Variants in PGBD2 observed in about 807,000 individuals in gnomAD.
The protein encoded by PGBD2 is piggyBac transposable element-derived protein 2.
In PGBD2, 6 loss-of-function variants were observed where a neutral mutation model predicts 8.1. The ratio of observed to expected loss-of-function variants is 0.74; its 90% CI spans 0.40 to 1.46. The LOEUF (loss-of-function observed/expected upper bound fraction) is 1.46, where lower values mean the gene tolerates loss of function less well. PGBD2 is among the 40% of genes most tolerant of loss of function. The probability of loss-of-function intolerance (pLI) is 0.02; values close to 1 mark genes in which losing one functional copy is unlikely to be tolerated. For missense variants in PGBD2, 802 were observed against 739.0 expected, an observed-to-expected ratio of 1.09 and a Z score of -0.99; for synonymous variants, 318 against 272.2, an observed-to-expected ratio of 1.17 and a Z score of -1.66.
At chr1:248,911,468 A>G (rs1661871866) in intron 1 of PGBD2, among the ~76,000 whole-genome samples, 2 of 148,790 alleles carry the variant, frequency 1.3e-5, no homozygotes, top group South Asian at 4.1e-4. Flanking sequence ...CCAAGGCAGA[A>G]GAAGTTTTCT....
chr1:248,922,914 TTTTC>T (rs1240311350), downstream of PGBD2, among the ~76,000 whole-genome samples: 3 of 152,204 alleles, frequency 2.0e-5, no homozygotes, highest in East Asian at 5.8e-4. Context: ...TGGCCTGAAA[TTTTC>T]TTTCTTTCTT....
chr1:248,926,510 T>C, the PGBD2 span, among the ~76,000 whole-genome samples: 2 of 152,196 alleles, frequency 1.3e-5, no homozygotes, highest in African/African-American at 4.8e-5. Flanking sequence ...CATGATACTG[T>C]TGTTGACTTT....
At position 248,917,701 on chromosome 1, in the gene PGBD2, A is replaced by C. The variant is rs549880074; in HGVS notation, c.1117A>C (p.Thr373Pro). Residue 373 changes from threonine to proline, a missense_variant, in exon 3 of 3, where the codon ACT becomes CCT. Transcript: ENST00000329291. Reference sequence around the variant, plus strand: ...GAAAAAGGGGGTGAAAGCCACAGGAACTGTTCGTGAGTACAGGACTGAGCG... The same window carrying C: ...GAAAAAGGGGGTGAAAGCCACAGGACCTGTTCGTGAGTACAGGACTGAGCG... ...LRKKGVKATGTVREYRTERCP... is the reference protein window; with the variant it reads ...LRKKGVKATGPVREYRTERCP... 15 of 1,614,218 alleles carry C rather than the reference A, an allele frequency of 9.3e-6. No individual in the cohort carries two copies. The East Asian group carries it at 3.1e-4, about 34-fold the overall frequency.
At chr1:248,925,151 CGT>C in the PGBD2 span, among the ~76,000 whole-genome samples, 26 of 152,160 alleles carry the variant, frequency 1.7e-4, no homozygotes, top group African/African-American at 6.0e-4. Flanking sequence ...CACATTCACA[CGT>C]GTGTCACACA....
the PGBD2 span, among the ~76,000 whole-genome samples, chr1:248,873,099 T>C: frequency 6.6e-6 from 1 of 152,210 alleles, no homozygotes; most frequent in Non-Finnish European, 1.5e-5. Flanking sequence ...GTGTTCCCAG[T>C]GGACACTCGA....
At chr1:248,876,062 G>A in the PGBD2 span, among the ~76,000 whole-genome samples, 165 of 150,786 alleles carry the variant, frequency 1.1e-3, no homozygotes, top group Non-Finnish European at 5.7e-4. Flanking sequence ...AGGCTGGAGT[G>A]CAATGGTGTG....
At chr1:248,926,730 G>A in the PGBD2 span, among the ~76,000 whole-genome samples, 3 of 152,172 alleles carry the variant, frequency 2.0e-5, no homozygotes, top group South Asian at 2.1e-4. Context: ...GAGCAGAGTC[G>A]TGTTTAGATT....
the PGBD2 span, among the ~76,000 whole-genome samples, chr1:248,873,846 C>G: frequency 5.3e-5 from 8 of 152,238 alleles, 1 homozygote; most frequent in East Asian, 3.8e-4. Flanking sequence ...AAGCGCTCTG[C>G]TTCCGAGTGT....
chr1:248,924,437 A>C (rs780083268), downstream of PGBD2, among the ~76,000 whole-genome samples: 1 of 152,018 alleles, frequency 6.6e-6, no homozygotes, highest in Non-Finnish European at 1.5e-5. Flanking sequence ...ATTTTGCCAA[A>C]TTTTTTTTCA....
chr1:248,900,904 A>G, the PGBD2 span, among the ~76,000 whole-genome samples: 3 of 152,382 alleles, frequency 2.0e-5, no homozygotes, highest in Non-Finnish European at 2.9e-5. Flanking sequence ...CTCAGGATAC[A>G]AAGTCAGTGT....
At chr1:248,888,201 A>T in the PGBD2 span, among the ~76,000 whole-genome samples, 2 of 152,184 alleles carry the variant, frequency 1.3e-5, no homozygotes, top group African/African-American at 4.8e-5. Flanking sequence ...TGCTATTGTG[A>T]ATAGTGCTGC....
the PGBD2 span, among the ~76,000 whole-genome samples, chr1:248,926,455 G>C: frequency 2.0e-5 from 3 of 152,304 alleles, no homozygotes; most frequent in East Asian, 3.9e-4. Flanking sequence ...GGGCCTCCAG[G>C]AGCTGCAAGC....
the PGBD2 span, among the ~76,000 whole-genome samples, chr1:248,895,766 C>T: frequency 6.6e-6 from 1 of 151,994 alleles, no homozygotes; most frequent in Non-Finnish European, 1.5e-5. Context: ...TGGCTCACTG[C>T]AACTTCCGCC....
At chr1:248,930,032 G>T in the PGBD2 span, among the ~76,000 whole-genome samples, 2 of 152,156 alleles carry the variant, frequency 1.3e-5, no homozygotes, top group African/African-American at 4.8e-5. Flanking sequence ...GGAAGGTGAG[G>T]CAAAAGCTTC....
At chr1:248,885,071 C>CT in the PGBD2 span, among the ~76,000 whole-genome samples, 2 of 151,982 alleles carry the variant, frequency 1.3e-5, no homozygotes, top group Non-Finnish European at 2.9e-5. Flanking sequence ...AGACTGCAGA[C>CT]TTTTTTTGCA....
chr1:248,914,711 G>A (rs777347093), intron 2 of PGBD2, among the ~76,000 whole-genome samples: 2 of 152,272 alleles, frequency 1.3e-5, no homozygotes, highest in Non-Finnish European at 2.9e-5. Flanking sequence ...TCATAGCCAG[G>A]GTGATGTGTT....
downstream of PGBD2, among the ~76,000 whole-genome samples, chr1:248,924,375 A>C (rs936337343): frequency 6.6e-6 from 1 of 152,100 alleles, no homozygotes; most frequent in Non-Finnish European, 1.5e-5. Context: ...GTCATTTTTT[A>C]ATCTTCTATT....
chr1:248,905,124 T>A (rs1661598493), upstream of PGBD2, among the ~76,000 whole-genome samples: 1 of 152,214 alleles, frequency 6.6e-6, no homozygotes, highest in South Asian at 2.1e-4. Flanking sequence ...AATTTGCTCA[T>A]ATGTGGAATG....
chr1:248,879,161 C>T, the PGBD2 span, among the ~76,000 whole-genome samples: 1 of 152,140 alleles, frequency 6.6e-6, no homozygotes, highest in African/African-American at 2.4e-5. Context: ...CTGCTCACAG[C>T]GCCTGTTTAA....
Sources: gnomAD v4.1 joint callset for allele counts (sites outside exome capture counted in the v4.1 genomes callset) on GRCh38, gnomAD v4.1.1 for gene constraint, MANE v1.5 for transcripts, NCBI Gene and HGNC (gene_info 2026-07-23, HGNC 2026-07-21) for gene names.